Variants in PDE3A observed in about 807,000 individuals in gnomAD.
PDE3A encodes phosphodiesterase 3A.
Under a neutral mutation model 98.3 loss-of-function variants are expected in PDE3A, and 43 were observed. That is an observed-to-expected ratio of 0.44 (90% confidence interval 0.34 to 0.56). The LOEUF is 0.56. Ranked by LOEUF, PDE3A falls within the 20% of genes least tolerant of loss-of-function variation. The pLI, the probability that PDE3A is intolerant of heterozygous loss-of-function variation, is 0.01. For missense variants in PDE3A, 1,427 were observed against 1,440.7 expected (o/e 0.99, Z 0.15); for synonymous variants, 663 against 567.9 (o/e 1.17, Z -2.38).
intron 3 of PDE3A, among the ~76,000 whole-genome samples, chr12:20,614,000 A>G (rs1943935442): frequency 6.6e-6 from 1 of 152,146 alleles, no homozygotes; most frequent in Non-Finnish European, 1.5e-5. Context: ...GGTGATAAGG[A>G]TATTGCAACA....
At chr12:20,384,954 C>T (rs914160487) in intron 1 of PDE3A, among the ~76,000 whole-genome samples, 2 of 152,140 alleles carry the variant, frequency 1.3e-5, no homozygotes, top group African/African-American at 4.8e-5. Context: ...GAGTTGATTC[C>T]ATGTCTTTGC....
At chr12:20,472,651 G>GTAC (rs1326737527) in intron 1 of PDE3A, among the ~76,000 whole-genome samples, 11 of 152,234 alleles carry the variant, frequency 7.2e-5, no homozygotes, top group African/African-American at 2.6e-4. Context: ...TAAGTAGCTA[G>GTAC]TGACTCTGTA....
rs1032431884 is a variant in PDE3A, at chr12:20,552,936, C to T, written c.961-3724C>T. 27 of 1,573,604 alleles carry T rather than the reference C, an allele frequency of 1.7e-5. No homozygotes were observed. Among genetic ancestry groups the T allele is most frequent in the Admixed American group, 9.3e-5 (5 of 53,476 alleles). The stretch of plus-strand genomic sequence containing the variant: ...CCTGCCGCTACGACCTGGGCCGCAG[C>T]TATGCCATGCAGGTGAACCAGCCTC... On this transcript the variant is annotated intron_variant, in intron 1 of 15. Transcript: ENST00000359062. This position sits in a 1 kb window ranked among gnomAD's most constrained non-coding sequence, Gnocchi z 5.1.
At chr12:20,572,983 C>G (rs1305286715) in intron 2 of PDE3A, among the ~76,000 whole-genome samples, 1 of 152,056 alleles carries the variant, frequency 6.6e-6, no homozygotes, top group East Asian at 1.9e-4. Flanking sequence ...GTCTACATTT[C>G]TAAACACACT....
intron 2 of PDE3A, among the ~76,000 whole-genome samples, chr12:20,584,270 A>G (rs183818977): frequency 1.3e-5 from 2 of 152,352 alleles, no homozygotes; most frequent in African/African-American, 4.8e-5. Flanking sequence ...TCAACTCAAA[A>G]ATACATAATA....
chr12:20,610,543 C>A (rs778827286), intron 2 of PDE3A, among the ~76,000 whole-genome samples: 3 of 151,748 alleles, frequency 2.0e-5, no homozygotes, highest in Non-Finnish European at 4.4e-5. Context: ...ATAAAATCAC[C>A]ACCTCATAAA....
At chr12:20,404,414 G>A (rs1182646556) in intron 1 of PDE3A, among the ~76,000 whole-genome samples, 5 of 151,840 alleles carry the variant, frequency 3.3e-5, no homozygotes, top group Non-Finnish European at 7.4e-5. Flanking sequence ...GCCATATACT[G>A]TAGGTTAAAA....
chr12:20,547,703 T>G (rs1942092837), intron 1 of PDE3A, among the ~76,000 whole-genome samples: 1 of 152,050 alleles, frequency 6.6e-6, no homozygotes, highest in African/African-American at 2.4e-5. Context: ...CTAGTTACAG[T>G]CCTCCTTCAG....
intron 1 of PDE3A, among the ~76,000 whole-genome samples, chr12:20,472,910 T>G (rs573928492): frequency 6.6e-6 from 1 of 152,298 alleles, no homozygotes; most frequent in East Asian, 1.9e-4. Flanking sequence ...ACATTGAAAT[T>G]TTTATTCACC....
intron 1 of PDE3A, among the ~76,000 whole-genome samples, chr12:20,417,918 G>A (rs1944448993): frequency 6.6e-6 from 1 of 152,196 alleles, no homozygotes; most frequent in Non-Finnish European, 1.5e-5. Flanking sequence ...AATAACAGTT[G>A]TCATTGATTT....
chr12:20,398,924 T>G (rs1944070104), intron 1 of PDE3A, among the ~76,000 whole-genome samples: 1 of 152,154 alleles, frequency 6.6e-6, no homozygotes, highest in Admixed American at 6.5e-5. Flanking sequence ...CTTCCGGAAC[T>G]TTTTCATCTT....
chr12:20,396,111 T>C (rs1479029718), intron 1 of PDE3A, among the ~76,000 whole-genome samples: 3 of 152,148 alleles, frequency 2.0e-5, no homozygotes, highest in Non-Finnish European at 4.4e-5. Flanking sequence ...AAAACATACA[T>C]TCCTTTTGTA....
At chr12:20,507,846 T>A (rs958355514) in intron 1 of PDE3A, among the ~76,000 whole-genome samples, 1 of 152,118 alleles carries the variant, frequency 6.6e-6, no homozygotes, top group African/African-American at 2.4e-5. Context: ...TAGCTCTGAT[T>A]ACTACAGAAA....
At chr12:20,559,481 T>G (rs1942457371) in intron 2 of PDE3A, among the ~76,000 whole-genome samples, 1 of 150,032 alleles carries the variant, frequency 6.7e-6, no homozygotes, top group Admixed American at 6.7e-5. Context: ...CCACTAAAAA[T>G]ACAAATAATG....
intron 1 of PDE3A, among the ~76,000 whole-genome samples, chr12:20,500,768 CTT>C (rs61218707): frequency 1.5e-3 from 201 of 133,314 alleles, no homozygotes; most frequent in Middle Eastern, 3.8e-3. Flanking sequence ...TTCTTTCTTT[CTT>C]TTTTTTTTTT....
chr12:20,570,264 T>G (rs756089530), intron 2 of PDE3A, among the ~76,000 whole-genome samples: 1 of 151,474 alleles, frequency 6.6e-6, no homozygotes, highest in Non-Finnish European at 1.5e-5. Context: ...AAAAATTAAC[T>G]GAATGTGATG....
intron 1 of PDE3A, among the ~76,000 whole-genome samples, chr12:20,513,081 T>C (rs899066647): frequency 3.3e-5 from 5 of 152,090 alleles, no homozygotes; most frequent in Non-Finnish European, 4.4e-5. Context: ...CCTATATATT[T>C]TTCTTTTAAC....
intron 1 of PDE3A, among the ~76,000 whole-genome samples, chr12:20,467,805 C>G (rs1382090833): frequency 6.6e-6 from 1 of 151,252 alleles, no homozygotes; most frequent in Non-Finnish European, 1.5e-5. Context: ...CATGGTGGCA[C>G]GCGCCTATAA....
At chr12:20,516,647 T>A (rs1012890522) in intron 1 of PDE3A, among the ~76,000 whole-genome samples, 3 of 152,234 alleles carry the variant, frequency 2.0e-5, no homozygotes, top group African/African-American at 7.2e-5. Flanking sequence ...GCGATTAATT[T>A]AATAGTGAAT....
Sources: allele counts gnomAD v4.1 joint callset (sites outside exome capture counted in the v4.1 genomes callset), GRCh38; gene constraint gnomAD v4.1.1; non-coding constraint Gnocchi (gnomAD v3.1); transcripts MANE v1.5; gene names NCBI Gene and HGNC (gene_info 2026-07-23, HGNC 2026-07-21).